Variants in COPA observed in about 807,000 individuals in gnomAD.
COPA encodes the protein coat protein complex I subunit alpha, also known as coatomer subunit alpha.
COPA carries 10 observed loss-of-function variants against 158.7 expected under a neutral mutation model. That is an observed-to-expected ratio of 0.06 (90% confidence interval 0.04 to 0.11). COPA has a LOEUF of 0.11. Ranked by LOEUF, COPA falls within the 10% of genes least tolerant of loss-of-function variation. The probability of loss-of-function intolerance (pLI) is 1.00; values close to 1 mark genes in which losing one functional copy is unlikely to be tolerated. For synonymous variants in COPA, 462 were observed against 542.8 expected (o/e 0.85, Z 2.07); for missense variants, 1,065 against 1,536.7 (o/e 0.69, Z 5.13).
chr1:160,326,666 C>T (rs60626471), intron 6 of COPA, among the ~76,000 whole-genome samples: 5,047 of 152,256 alleles, frequency 0.033, 276 homozygotes, highest in African/African-American at 0.12. Context: ...TAGAAGATAA[C>T]GTAAAACCAT....
intron 27 of COPA, 117 bp from the exon 28 acceptor site, chr1:160,292,737 T>C (rs1658281796): frequency 4.0e-6 from 3 of 746,752 alleles, no homozygotes; most frequent in South Asian, 3.9e-5. Flanking sequence ...ATACACTTAA[T>C]TGTAAGACCT....
At chr1:160,314,339 C>G (rs144684922) in intron 8 of COPA, among the ~76,000 whole-genome samples, 2 of 152,224 alleles carry the variant, frequency 1.3e-5, no homozygotes, top group Non-Finnish European at 2.9e-5. Flanking sequence ...TATAAAACCT[C>G]TTCTCTTGGC....
chr1:160,316,467 A>T (rs907039954), intron 8 of COPA, among the ~76,000 whole-genome samples: 1 of 151,576 alleles, frequency 6.6e-6, no homozygotes. Flanking sequence ...TTTAAGAACA[A>T]TTGGCTGGCG....
intron 22 of COPA, 22 bp from the exon 23 acceptor site, chr1:160,295,881 G>T: frequency 1.3e-6 from 2 of 1,591,604 alleles, no homozygotes; most frequent in South Asian, 2.3e-5. Flanking sequence ...AAGAAAAGAG[G>T]CTAAAAACAA....
At chr1:160,309,259 A>T in intron 12 of COPA, 83 bp from the exon 13 acceptor site, 2 of 1,008,552 alleles carry the variant, frequency 2.0e-6, no homozygotes, top group South Asian at 1.3e-5. Context: ...CAGAGAAAAC[A>T]GTTCCATTGC....
intron 19 of COPA, among the ~76,000 whole-genome samples, chr1:160,298,486 C>T (rs1179776341): frequency 6.6e-6 from 1 of 152,188 alleles, no homozygotes; most frequent in Non-Finnish European, 1.5e-5. Context: ...AATGCCTATA[C>T]ATTCTAGGCC....
At chr1:160,312,591 A>G (rs1284625895) in intron 10 of COPA, among the ~76,000 whole-genome samples, 1 of 152,154 alleles carries the variant, frequency 6.6e-6, no homozygotes, top group Non-Finnish European at 1.5e-5. Context: ...AAACCTTCCA[A>G]TGGCTTTCCA....
intron 8 of COPA, chr1:160,317,468 A>C: frequency 6.2e-7 from 1 of 1,609,554 alleles, no homozygotes; most frequent in Non-Finnish European, 8.5e-7. Context: ...GAATATATTA[A>C]ACTCAAAGTC....
In COPA at chr1:160,290,612, G is replaced by A; in HGVS notation, c.3495C>T (p.Pro1165=). 1 of 1,614,170 alleles carries A rather than the reference G, an allele frequency of 6.2e-7. No individual in the cohort carries two copies. Residue 1165 remains proline (P), a synonymous_variant, in exon 32 of 33, where the codon CCC becomes CCT. Coordinates refer to ENST00000241704, the MANE Select transcript of COPA (RefSeq NM_004371.4). The part of the protein sequence containing the change: ...AYQLNYDMHN[P]FDICAASYRP... ...GATATGATGCAGCACAAATGTCAAA[G>A]GGGTTGTGCATGTCATAATTGAGCT... is the stretch of plus-strand genomic sequence containing the variant.
intron 8 of COPA, chr1:160,317,358 G>A (rs1659183879): frequency 6.3e-7 from 1 of 1,585,654 alleles, no homozygotes; most frequent in Non-Finnish European, 8.6e-7. Flanking sequence ...GCTTACCCGA[G>A]GCCGCTGCTG....
intron 7 of COPA, among the ~76,000 whole-genome samples, chr1:160,324,001 C>T (rs998001636): frequency 1.3e-5 from 2 of 152,106 alleles, no homozygotes; most frequent in African/African-American, 4.8e-5. Flanking sequence ...GCTGGGATTA[C>T]AGGCACCCAC....
At chr1:160,337,784 C>G (rs942364873) in intron 3 of COPA, among the ~76,000 whole-genome samples, 8 of 151,280 alleles carry the variant, frequency 5.3e-5, no homozygotes, top group African/African-American at 1.9e-4. Flanking sequence ...CAAATGATAG[C>G]ACTACACACC....
At position 160,332,483 on chromosome 1, in the gene COPA, C is replaced by CTGGCTGATACTACCAAGTCTTCTG; in HGVS notation, c.437_460dup (p.Thr146_Ala153dup). 1 of 1,613,894 alleles carries CTGGCTGATACTACCAAGTCTTCTG rather than the reference C, an allele frequency of 6.2e-7. No homozygotes were observed. The highest frequency in any genetic ancestry group is 8.5e-7 in the Non-Finnish European group (1 of 1,180,000). ...CCAAACGCGCACAGTCTGGTCCAGGCTGGCTGATACTACCAAGTCTTCTGT... is the reference window on the plus strand; with the variant it reads ...CCAAACGCGCACAGTCTGGTCCAGGCTGGCTGATACTACCAAGTCTTCTGTGGCTGATACTACCAAGTCTTCTGT... On this transcript the variant is annotated inframe_insertion, in exon 6 of 33. Transcript: ENST00000241704.
rs527464655 is a variant in COPA, at chr1:160,305,471, A to G, written c.1629T>C (p.Tyr543=). ...GAWDESGVFI[Y]TTSNHIKYAV... ...CATATTTGATGTGGTTGCTTGTGGTATAGATAAATACCCCACTCTCATCCC... is the reference window on the plus strand; with the variant it reads ...CATATTTGATGTGGTTGCTTGTGGTGTAGATAAATACCCCACTCTCATCCC... The change falls in exon 17 of 33, where the codon TAT becomes TAC. Residue 543 remains tyrosine (Y), a synonymous_variant. Coordinates refer to ENST00000241704, the MANE Select transcript of COPA (RefSeq NM_004371.4). The G allele has an allele frequency of 4.3e-6, 7 of 1,614,206 alleles. No individual in the cohort carries two copies. The highest frequency in any genetic ancestry group is 1.1e-5 in the South Asian group (1 of 91,078).
At chr1:160,318,468 T>TAAAAAAAAAAAAAA (rs71090307) in intron 8 of COPA, among the ~76,000 whole-genome samples, 6 of 15,658 alleles carry the variant, frequency 3.8e-4, no homozygotes, top group African/African-American at 9.7e-4. Context: ...ACAATATTTG[T>TAAAAAAAAAAAAAA]AAAAAAAAAA....
chr1:160,299,001 TG>T lies in COPA; in HGVS notation c.1831-11del. 1 of 1,612,900 alleles carries T rather than the reference TG, an allele frequency of 6.2e-7. No homozygotes were observed. Among genetic ancestry groups the T allele is most frequent in the Non-Finnish European group, 8.5e-7 (1 of 1,179,188 alleles). On this transcript the variant is annotated splice_polypyrimidine_tract_variant and intron_variant, in intron 18 of 32. Transcript: ENST00000241704. ...TCACCATGTGCAGTACCTAGACATTTGGGGTGGAGTCGGGCAAGAAGTAGAC... is the reference window on the plus strand; with the variant it reads ...TCACCATGTGCAGTACCTAGACATTTGGGTGGAGTCGGGCAAGAAGTAGAC...
chr1:160,322,308 A>G (rs1005640071), intron 8 of COPA, among the ~76,000 whole-genome samples: 3 of 152,214 alleles, frequency 2.0e-5, no homozygotes, highest in Non-Finnish European at 4.4e-5. Flanking sequence ...ATAAATCCAC[A>G]AATCTATAGC....
chr1:160,341,691 C>T (rs943338832), intron 1 of COPA, among the ~76,000 whole-genome samples: 5 of 152,134 alleles, frequency 3.3e-5, no homozygotes. Context: ...GACCCTCCCC[C>T]CAAAAAAGTA....
At chr1:160,339,654 TC>T (rs1299120192) in intron 3 of COPA, 2 of 414,256 alleles carry the variant, frequency 4.8e-6, no homozygotes, top group Non-Finnish European at 8.8e-6. Flanking sequence ...TATATGTTTA[TC>T]TTCTGTATTA....
Sources: gnomAD v4.1 joint callset for allele counts (sites outside exome capture counted in the v4.1 genomes callset) on GRCh38, gnomAD v4.1.1 for gene constraint, MANE v1.5 for transcripts, NCBI Gene and HGNC (gene_info 2026-07-23, HGNC 2026-07-21) for gene names.